Variants in DIAPH3 observed in about 807,000 individuals in gnomAD.
DIAPH3 encodes protein diaphanous homolog 3.
A neutral mutation model predicts 144.3 loss-of-function variants in DIAPH3; 117 were observed. That is an observed-to-expected ratio of 0.81 (90% CI 0.70 to 0.95). The LOEUF is 0.95. Among genes scored for constraint, DIAPH3 ranks in the 40% least tolerant of loss-of-function variants. The pLI is 0.00. For synonymous variants in DIAPH3, 519 were observed against 488.9 expected, an observed-to-expected ratio of 1.06 and a Z score of -0.81; for missense variants, 1,421 against 1,412.7, an observed-to-expected ratio of 1.01 and a Z score of -0.09.
intron 27 of DIAPH3, among the ~76,000 whole-genome samples, chr13:59,726,818 G>A (rs1323423179): frequency 2.1e-4 from 32 of 152,210 alleles, no homozygotes; most frequent in Admixed American, 1.9e-3. Context: ...TAAAACATTA[G>A]CCTTAGGAAC....
chr13:60,161,115 C>G (rs1034864026), intron 1 of DIAPH3, among the ~76,000 whole-genome samples: 3 of 152,204 alleles, frequency 2.0e-5, no homozygotes, highest in Admixed American at 6.5e-5. Context: ...GTGCAAAACA[C>G]TGGCCACCTA....
intron 3 of DIAPH3, among the ~76,000 whole-genome samples, chr13:60,109,596 T>C (rs968501423): frequency 2.0e-5 from 3 of 152,080 alleles, no homozygotes; most frequent in African/African-American, 7.2e-5. Flanking sequence ...TGGGTGAAAA[T>C]TAATTTATAT....
At chr13:59,818,484 A>T (rs1593539198) in intron 24 of DIAPH3, among the ~76,000 whole-genome samples, 1 of 147,758 alleles carries the variant, frequency 6.8e-6, no homozygotes, top group Non-Finnish European at 1.5e-5. Flanking sequence ...TCTGGCTGCA[A>T]TTTTTTTTTT....
chr13:59,892,755 T>G (rs340223), intron 20 of DIAPH3, among the ~76,000 whole-genome samples: 92,972 of 151,700 alleles, frequency 0.61, 30,449 homozygotes, highest in East Asian at 0.75. Context: ...AGAAAATAAA[T>G]AGTAAGATGC....
At chr13:59,756,975 A>G (rs2037311551) in intron 27 of DIAPH3, among the ~76,000 whole-genome samples, 1 of 152,228 alleles carries the variant, frequency 6.6e-6, no homozygotes, top group Non-Finnish European at 1.5e-5. Flanking sequence ...TTCCTTAAGG[A>G]TGACATAGTT....
intron 17 of DIAPH3, among the ~76,000 whole-genome samples, chr13:59,941,296 A>G (rs1419699224): frequency 6.6e-6 from 1 of 152,178 alleles, no homozygotes; most frequent in East Asian, 1.9e-4. Context: ...AGTGTCAGAC[A>G]TAGGGAAGAC....
In DIAPH3 at chr13:59,714,314, C is replaced by CA. The variant is rs1344695190; in HGVS notation, c.3320-47469_3320-47468insT. On this transcript the variant is annotated intron_variant, in intron 27 of 27. Coordinates refer to ENST00000400324, the MANE Select transcript of DIAPH3 (RefSeq NM_001042517.2). ...GGCGGAGCTTGCAGTGAGCCGAGAT[C>CA]CCGCCACTGCACTCCAGCCTGGGCG... Among the ~76,000 whole-genome samples the CA allele has an allele frequency of 2.8e-5, 4 of 141,660 alleles. No individual in the cohort carries two copies. The Admixed American group carries it at 3.0e-4, about 11-fold the overall frequency. 92.9% of individuals were successfully genotyped at this position (141,660 alleles called of 152,430 possible). A position where few individuals can be genotyped will look rare whatever the true frequency, so the allele number is the denominator to read the frequency against.
At chr13:59,768,521 C>G (rs954108777) in intron 27 of DIAPH3, among the ~76,000 whole-genome samples, 2 of 152,062 alleles carry the variant, frequency 1.3e-5, no homozygotes, top group African/African-American at 4.8e-5. Flanking sequence ...AAGACAAACT[C>G]TTGCTGTTTG....
At chr13:59,923,857 T>C (rs2047633871) in intron 18 of DIAPH3, among the ~76,000 whole-genome samples, 1 of 152,212 alleles carries the variant, frequency 6.6e-6, no homozygotes, top group Non-Finnish European at 1.5e-5. Context: ...GAGGAGGTTC[T>C]GAAATTTTCA....
At chr13:59,726,122 T>C (rs1240275656) in intron 27 of DIAPH3, among the ~76,000 whole-genome samples, 1 of 152,234 alleles carries the variant, frequency 6.6e-6, no homozygotes, top group Non-Finnish European at 1.5e-5. Context: ...ATTCTAGAAC[T>C]GTATAGATTT....
chr13:59,812,773 T>A (rs1183299786), intron 24 of DIAPH3, among the ~76,000 whole-genome samples: 1 of 152,114 alleles, frequency 6.6e-6, no homozygotes, highest in African/African-American at 2.4e-5. Context: ...CCTCAGGATC[T>A]TCTAGGCCAA....
intron 20 of DIAPH3, 88 bp from the exon 21 acceptor site, chr13:59,879,556 T>C: frequency 6.4e-7 from 1 of 1,565,134 alleles, no homozygotes; most frequent in Non-Finnish European, 8.7e-7. Context: ...GATGATTTAT[T>C]GGTATGACAG....
At chr13:59,880,638 C>T (rs2044956367) in intron 20 of DIAPH3, among the ~76,000 whole-genome samples, 1 of 152,012 alleles carries the variant, frequency 6.6e-6, no homozygotes, top group African/African-American at 2.4e-5. Flanking sequence ...ATATTATAGA[C>T]ACTGCCTTAA....
At chr13:59,735,612 A>G (rs747486045) in intron 27 of DIAPH3, among the ~76,000 whole-genome samples, 3 of 152,172 alleles carry the variant, frequency 2.0e-5, no homozygotes, top group African/African-American at 4.8e-5. Context: ...TCTATTTTCT[A>G]TAAGATGGTA....
intron 25 of DIAPH3, among the ~76,000 whole-genome samples, chr13:59,801,204 T>C (rs1179704190): frequency 2.0e-5 from 3 of 152,206 alleles, no homozygotes; most frequent in African/African-American, 7.2e-5. Context: ...TTCTTGGCCT[T>C]TGAATTAAAA....
chr13:60,042,848 A>G (rs1327104639), intron 4 of DIAPH3, 28 bp from the exon 5 acceptor site: 1 of 1,610,812 alleles, frequency 6.2e-7, no homozygotes, highest in Admixed American at 1.7e-5. Flanking sequence ...AAATGTTTTG[A>G]TTAATACTGC....
At position 60,054,743 on chromosome 13, in the gene DIAPH3, T is replaced by A. The variant is rs548004370; in HGVS notation, c.496-11923A>T. ...GTAATTATAATCTAAATTACTATCA[T>A]GCATATTACTATTAAAATGCATTGC... On this transcript the variant is annotated intron_variant, in intron 4 of 27. Transcript: ENST00000400324. 2.0e-5 allele frequency among the ~76,000 whole-genome samples: 3 copies of A among 152,160 alleles called. No homozygotes were observed. In the East Asian group the frequency reaches 5.8e-4, roughly 29 times the overall value.
At chr13:60,068,028 C>T (rs1264033283) in intron 4 of DIAPH3, among the ~76,000 whole-genome samples, 1 of 152,120 alleles carries the variant, frequency 6.6e-6, no homozygotes, top group Non-Finnish European at 1.5e-5. Context: ...CATGGAAATT[C>T]CTCAAGTTAT....
At chr13:60,133,066 A>T in intron 1 of DIAPH3, 77 bp from the exon 2 acceptor site, 1 of 987,884 alleles carries the variant, frequency 1.0e-6, no homozygotes, top group South Asian at 1.4e-5. Context: ...TACATTCAAA[A>T]TTCTACAATC....
Sources: gnomAD v4.1 joint callset for allele counts (sites outside exome capture counted in the v4.1 genomes callset) on GRCh38, gnomAD v4.1.1 for gene constraint, MANE v1.5 for transcripts, NCBI Gene and HGNC (gene_info 2026-07-23, HGNC 2026-07-21) for gene names.